Variants in DPP10 observed in about 807,000 individuals in gnomAD.
DPP10 encodes the protein dipeptidyl peptidase like 10, also known as inactive dipeptidyl peptidase 10.
DPP10 carries 33 observed loss-of-function variants against 120.9 expected under a neutral mutation model. The observed-to-expected ratio is 0.27, with a 90% CI of 0.21 to 0.37. The LOEUF is 0.37. Ranked by LOEUF, DPP10 falls within the 10% of genes least tolerant of loss-of-function variation. The pLI is 1.00. For missense variants in DPP10, 816 were observed against 942.8 expected (o/e 0.87, Z 1.76); for synonymous variants, 337 against 326.1 (o/e 1.03, Z -0.36).
intron 1 of DPP10, chr2:114,707,127 TG>T (rs1700733637): frequency 6.6e-6 from 1 of 152,130 alleles, no homozygotes; most frequent in Non-Finnish European, 1.5e-5. Flanking sequence ...GATCCATTGC[TG>T]TTTACATGGG....
intron 1 of DPP10, among the ~76,000 whole-genome samples, chr2:115,138,759 T>C (rs2050773722): frequency 6.6e-6 from 1 of 152,194 alleles, no homozygotes; most frequent in East Asian, 1.9e-4. Flanking sequence ...ACATTATATA[T>C]TATTAATTTT....
At chr2:115,441,141 C>T (rs879470137) in intron 3 of DPP10, among the ~76,000 whole-genome samples, 4 of 151,094 alleles carry the variant, frequency 2.6e-5, no homozygotes, top group East Asian at 1.9e-4. Flanking sequence ...TCAATCTTAA[C>T]GTCAGAAGAT....
intron 1 of DPP10, among the ~76,000 whole-genome samples, chr2:114,787,971 A>C (rs975956715): frequency 1.3e-5 from 2 of 152,222 alleles, no homozygotes; most frequent in Non-Finnish European, 2.9e-5. Flanking sequence ...AAAAGTAATT[A>C]CTGAATTCCA....
At chr2:114,890,888 G>A (rs574272362) in intron 1 of DPP10, among the ~76,000 whole-genome samples, 21 of 151,712 alleles carry the variant, frequency 1.4e-4, no homozygotes, top group Non-Finnish European at 2.8e-4. Context: ...GCTGCCAGCA[G>A]TTCTGGAAAA....
At chr2:115,296,113 A>G (rs1330153843) in intron 1 of DPP10, among the ~76,000 whole-genome samples, 1 of 152,090 alleles carries the variant, frequency 6.6e-6, no homozygotes, top group Non-Finnish European at 1.5e-5. Flanking sequence ...GGTGAGCCTT[A>G]GGAAAAATGG....
At chr2:114,643,024 T>C (rs931731372) in intron 1 of DPP10, among the ~76,000 whole-genome samples, 1 of 151,960 alleles carries the variant, frequency 6.6e-6, no homozygotes, top group Admixed American at 6.5e-5. Context: ...GACAGAAGCA[T>C]ATGAGGTCCT....
At chr2:115,637,639 A>G (rs1238706959) in intron 5 of DPP10, among the ~76,000 whole-genome samples, 4 of 152,230 alleles carry the variant, frequency 2.6e-5, no homozygotes, top group African/African-American at 4.8e-5. Flanking sequence ...AAGTTATTTT[A>G]TGATAATACT....
At chr2:114,650,912 CT>C (rs1312048931) in intron 1 of DPP10, among the ~76,000 whole-genome samples, 4 of 152,184 alleles carry the variant, frequency 2.6e-5, no homozygotes, top group Admixed American at 1.3e-4. Context: ...ATTCCCTCAC[CT>C]TCTTTTTTTC....
chr2:115,334,042 C>T (rs573762430), intron 2 of DPP10, among the ~76,000 whole-genome samples: 12 of 151,588 alleles, frequency 7.9e-5, no homozygotes, highest in African/African-American at 1.4e-4. Flanking sequence ...AGTGACGGGG[C>T]GAATGGAACC....
chr2:115,363,276 T>G (rs2064891304), intron 3 of DPP10, among the ~76,000 whole-genome samples: 1 of 152,228 alleles, frequency 6.6e-6, no homozygotes, highest in South Asian at 2.1e-4. Context: ...ATAGTTTGTT[T>G]GCACATTGTA....
intron 21 of DPP10, among the ~76,000 whole-genome samples, chr2:115,824,278 T>C (rs1688091606): frequency 6.6e-6 from 1 of 152,216 alleles, no homozygotes; most frequent in Non-Finnish European, 1.5e-5. Context: ...TGGCGATGGC[T>C]GTGAGGCACG....
chr2:115,490,995 G>A (rs569830227), intron 3 of DPP10, among the ~76,000 whole-genome samples: 3 of 152,282 alleles, frequency 2.0e-5, no homozygotes, highest in Admixed American at 6.5e-5. Flanking sequence ...ACTCACACCT[G>A]TAGTCTCAGC....
chr2:115,483,467 CTATCTA>C (rs1396911743), intron 3 of DPP10, among the ~76,000 whole-genome samples: 43 of 87,178 alleles, frequency 4.9e-4, no homozygotes, highest in South Asian at 1.5e-3. Flanking sequence ...ATCTATCTAT[CTATCTA>C]TCTATCTGTA....
At chr2:115,596,564 T>C (rs1215028842) in intron 5 of DPP10, among the ~76,000 whole-genome samples, 1 of 152,184 alleles carries the variant, frequency 6.6e-6, no homozygotes, top group Admixed American at 6.6e-5. Flanking sequence ...TATCAGTCTC[T>C]TGATTACCTG....
chr2:114,574,160 C>T (rs902618502), intron 1 of DPP10, among the ~76,000 whole-genome samples: 3 of 152,130 alleles, frequency 2.0e-5, no homozygotes, highest in African/African-American at 7.2e-5. Flanking sequence ...AGGGGCAGAC[C>T]ATTTTACCAC....
intron 1 of DPP10, among the ~76,000 whole-genome samples, chr2:114,953,969 C>T (rs1697996066): frequency 1.3e-5 from 2 of 151,678 alleles, no homozygotes; most frequent in Non-Finnish European, 2.9e-5. Context: ...TTCACAGTTA[C>T]TTATTTGCAT....
chr2:114,527,837 C>G (rs571405128), intron 1 of DPP10, among the ~76,000 whole-genome samples: 1 of 152,160 alleles, frequency 6.6e-6, no homozygotes, highest in Non-Finnish European at 1.5e-5. Flanking sequence ...GTACTGAATA[C>G]TGTAGGCAAT....
chr2:114,959,693 T>A (rs1698469148), intron 1 of DPP10, among the ~76,000 whole-genome samples: 1 of 152,210 alleles, frequency 6.6e-6, no homozygotes, highest in South Asian at 2.1e-4. Context: ...CAGCAATGGA[T>A]GAGCATTCCA....
At chr2:115,563,615 A>G (rs950673918) in intron 5 of DPP10, among the ~76,000 whole-genome samples, 5 of 152,190 alleles carry the variant, frequency 3.3e-5, no homozygotes, top group Non-Finnish European at 5.9e-5. Context: ...TCTCTCTCAG[A>G]TAATTAAGAC....
Sources: gnomAD v4.1 joint callset for allele counts (sites outside exome capture counted in the v4.1 genomes callset) on GRCh38, gnomAD v4.1.1 for gene constraint, MANE v1.5 for transcripts, NCBI Gene and HGNC (gene_info 2026-07-23, HGNC 2026-07-21) for gene names.